The following PTPN13 variants were observed in gnomAD, a reference collection of about 807,000 sequenced individuals.
The protein encoded by PTPN13 is protein tyrosine phosphatase non-receptor type 13, also known as tyrosine-protein phosphatase non-receptor type 13.
In PTPN13, 191 loss-of-function variants were observed where a neutral mutation model predicts 284.0. That is an observed-to-expected ratio of 0.67 (90% CI 0.60 to 0.76). The LOEUF is 0.76. PTPN13 is among the 30% of genes least tolerant of loss of function. The pLI is 0.00. For missense variants in PTPN13, 2,797 were observed against 2,939.9 expected (o/e 0.95, Z 1.12); for synonymous variants, 986 against 1,022.3 (o/e 0.96, Z 0.68).
intron 1 of PTPN13, among the ~76,000 whole-genome samples, chr4:86,611,302 C>A (rs1202674780): frequency 6.6e-6 from 1 of 152,168 alleles, no homozygotes; most frequent in African/African-American, 2.4e-5. Flanking sequence ...TTTAAAATTG[C>A]TTTTTAAGCA....
rs766527157 is a variant in PTPN13, at chr4:86,784,428, A to C, written c.6025-37A>C. The stretch of plus-strand genomic sequence containing the variant: ...TCCCCCGATCCTGGAAGTTAGTAAA[A>C]TACTATCTGATGATTTGCTTTGGTT... On this transcript the variant is annotated intron_variant, in intron 37 of 47. Coordinates refer to ENST00000411767, the MANE Select transcript of PTPN13 (RefSeq NM_080683.3). 8 of 1,432,058 alleles carry C rather than the reference A, an allele frequency of 5.6e-6. No individual in the cohort carries two copies. In the East Asian group the frequency reaches 1.4e-4, roughly 25 times the overall value. The allele number at this position is 1,432,058 out of a possible 1,614,324, so 88.7% of individuals were successfully genotyped here. A position where few individuals can be genotyped will look rare whatever the true frequency, so the allele number is the denominator to read the frequency against.
chr4:86,737,032 A>G (rs1735596179), intron 15 of PTPN13, among the ~76,000 whole-genome samples: 1 of 152,184 alleles, frequency 6.6e-6, no homozygotes, highest in Admixed American at 6.6e-5. Context: ...TAATTTACAT[A>G]CAATAAAATT....
chr4:86,677,496 G>A (rs1451433979), intron 3 of PTPN13, among the ~76,000 whole-genome samples: 1 of 151,502 alleles, frequency 6.6e-6, no homozygotes. Flanking sequence ...TGTATTTTTA[G>A]TAGAGACAGG....
Position 86,770,128 on chromosome 4 carries a change from G to T in PTPN13, c.4732G>T (p.Ala1578Ser). Residue 1578 changes from alanine to serine, a missense_variant, in exon 30 of 48, where the codon GCT becomes TCT. Physicochemically the swap from Ala to Ser is moderately conservative, Grantham distance 99. Coordinates refer to ENST00000411767, the MANE Select transcript of PTPN13 (RefSeq NM_080683.3). Reference sequence around the variant, plus strand: ...AGTCATATCTGCTCTCAGGGGAACTGCTCCAGAAGTATTCTTGCTTCTCTG... The same window carrying T: ...AGTCATATCTGCTCTCAGGGGAACTTCTCCAGAAGTATTCTTGCTTCTCTG... Reference protein sequence around the residue: ...QEVISALRGTAPEVFLLLCRP... With the variant: ...QEVISALRGTSPEVFLLLCRP... 1 of 1,613,668 alleles carries T rather than the reference G, an allele frequency of 6.2e-7. No individual in the cohort carries two copies. The highest frequency in any genetic ancestry group is 8.5e-7 in the Non-Finnish European group (1 of 1,179,754).
chr4:86,739,211 G>A (rs998070472), intron 15 of PTPN13, among the ~76,000 whole-genome samples: 2 of 152,054 alleles, frequency 1.3e-5, no homozygotes, highest in African/African-American at 2.4e-5. Flanking sequence ...TTAGCATGTG[G>A]ATATACAGTT....
intron 16 of PTPN13, among the ~76,000 whole-genome samples, chr4:86,743,554 C>T (rs1454352918): frequency 6.6e-6 from 1 of 152,160 alleles, no homozygotes; most frequent in Non-Finnish European, 1.5e-5. Flanking sequence ...TTTGTTGCTA[C>T]TGTATCTTTA....
At chr4:86,668,530 T>G (rs1026051199) in intron 2 of PTPN13, among the ~76,000 whole-genome samples, 4 of 152,318 alleles carry the variant, frequency 2.6e-5, no homozygotes, top group Admixed American at 2.6e-4. Flanking sequence ...TTTCTTTAAC[T>G]TTATTACAAG....
chr4:86,646,473 A>G lies in PTPN13; in HGVS notation c.115+11102A>G, dbSNP rs1578327599. 2.0e-5 allele frequency among the ~76,000 whole-genome samples: 3 copies of G among 151,976 alleles called. No homozygotes were observed. The South Asian group carries it at 6.2e-4, about 32-fold the overall frequency. ...CCACCATACCGGGCTATTTTCTCGTATTTTAGTAAAGACGGGATTTTGCCA... is the reference window on the plus strand; with the variant it reads ...CCACCATACCGGGCTATTTTCTCGTGTTTTAGTAAAGACGGGATTTTGCCA... On this transcript the variant is annotated intron_variant, in intron 2 of 47. Coordinates refer to ENST00000411767, the MANE Select transcript of PTPN13 (RefSeq NM_080683.3).
chr4:86,763,150 C>T lies in PTPN13; in HGVS notation c.3977C>T (p.Ala1326Val). ...SDRGDSDMDE[A>V]TYSSSQDHQT... ...CGTGGAGATTCAGACATGGATGAAG[C>T]CACTTACTCCAGCAGTCAGGATCAT... is the stretch of plus-strand genomic sequence containing the variant. The change falls in exon 24 of 48, where the codon GCC becomes GTC. Residue 1326 changes from alanine (A) to valine (V), a missense_variant. Ala to Val is a moderately conservative substitution (Grantham distance 64, BLOSUM62 0). Transcript: ENST00000411767. 1 of 1,613,558 alleles carries T rather than the reference C, an allele frequency of 6.2e-7. No homozygotes were observed. Among genetic ancestry groups the T allele is most frequent in the Non-Finnish European group, 8.5e-7 (1 of 1,179,792 alleles).
chr4:86,706,275 G>C (rs1731756083), intron 7 of PTPN13, among the ~76,000 whole-genome samples: 2 of 152,134 alleles, frequency 1.3e-5, no homozygotes, highest in African/African-American at 4.8e-5. Context: ...CTTCCACTCT[G>C]CTGTCCTGAT....
chr4:86,802,146 A>AGTGTGTGTGTGTGTGT (rs55759778), intron 42 of PTPN13, among the ~76,000 whole-genome samples: 4 of 135,204 alleles, frequency 3.0e-5, no homozygotes, highest in African/African-American at 1.0e-4. Context: ...TCAAGATTTT[A>AGTGTGTGTGTGTGTGT]GTGTGTGTGT....
At chr4:86,800,948 T>C (rs545289314) in intron 42 of PTPN13, among the ~76,000 whole-genome samples, 1 of 152,308 alleles carries the variant, frequency 6.6e-6, no homozygotes, top group African/African-American at 2.4e-5. Context: ...GTTAACCTTT[T>C]AGGTGTCTTG....
chr4:86,646,833 T>C (rs1724487865), intron 2 of PTPN13, among the ~76,000 whole-genome samples: 1 of 152,158 alleles, frequency 6.6e-6, no homozygotes, highest in South Asian at 2.1e-4. Flanking sequence ...AACAAGTGAA[T>C]AGATAAACAA....
intron 2 of PTPN13, among the ~76,000 whole-genome samples, chr4:86,646,681 G>C (rs959875593): frequency 1.3e-5 from 2 of 152,122 alleles, no homozygotes; most frequent in Non-Finnish European, 2.9e-5. Flanking sequence ...TTCTTTAAAA[G>C]TTAAATATAC....
chr4:86,601,982 A>C (rs1292731834), intron 1 of PTPN13, among the ~76,000 whole-genome samples: 4 of 152,234 alleles, frequency 2.6e-5, no homozygotes, highest in Non-Finnish European at 4.4e-5. Flanking sequence ...CTGAGGCCAC[A>C]TAGCTTTAAT....
At chr4:86,599,360 C>T (rs916860261) in intron 1 of PTPN13, among the ~76,000 whole-genome samples, 1 of 152,132 alleles carries the variant, frequency 6.6e-6, no homozygotes, top group East Asian at 1.9e-4. Context: ...TATCTACAGG[C>T]CTTTTTACTA....
At chr4:86,739,048 A>G (rs545020615) in intron 15 of PTPN13, among the ~76,000 whole-genome samples, 1 of 152,188 alleles carries the variant, frequency 6.6e-6, no homozygotes, top group East Asian at 1.9e-4. Context: ...TTTCTAGTTT[A>G]TGGTTTTTGT....
intron 15 of PTPN13, among the ~76,000 whole-genome samples, chr4:86,740,974 G>T (rs1202520635): frequency 6.6e-6 from 1 of 151,776 alleles, no homozygotes; most frequent in Non-Finnish European, 1.5e-5. Context: ...TTCCCAACAA[G>T]TTCCCAACAA....
intron 1 of PTPN13, among the ~76,000 whole-genome samples, chr4:86,626,655 G>T (rs973661369): frequency 3.9e-5 from 6 of 151,954 alleles, no homozygotes; most frequent in Admixed American, 1.3e-4. Flanking sequence ...TTGCATTGTT[G>T]GTGGGGATGT....
Sources: allele counts gnomAD v4.1 joint callset (sites outside exome capture counted in the v4.1 genomes callset), GRCh38; gene constraint gnomAD v4.1.1; transcripts MANE v1.5; gene names NCBI Gene and HGNC (gene_info 2026-07-23, HGNC 2026-07-21).